FBXO34: variants seen among roughly 807,000 people sequenced by gnomAD.
The protein encoded by FBXO34 is F-box only protein 34.
FBXO34 carries 12 observed loss-of-function variants against 24.5 expected under a neutral mutation model. The observed-to-expected ratio is 0.49, with a 90% CI of 0.31 to 0.79. FBXO34 has a LOEUF of 0.79. Among genes scored for constraint, FBXO34 ranks in the 30% least tolerant of loss-of-function variants. FBXO34 has a pLI of 0.04. For missense variants in FBXO34, 823 were observed against 857.7 expected (o/e 0.96, Z 0.51); for synonymous variants, 320 against 311.9 (o/e 1.03, Z -0.27).
chr14:55,393,390 A>C, the FBXO34 span, among the ~76,000 whole-genome samples: 3 of 152,250 alleles, frequency 2.0e-5, no homozygotes, highest in African/African-American at 4.8e-5. Flanking sequence ...GTCTCAAAAA[A>C]AAGAGGAAAA....
intron 1 of FBXO34, among the ~76,000 whole-genome samples, chr14:55,286,439 T>G (rs1023985435): frequency 3.9e-5 from 6 of 152,222 alleles, no homozygotes; most frequent in Non-Finnish European, 7.3e-5. Flanking sequence ...TTTAATTTTA[T>G]TTCCTTGTGC....
intron 1 of FBXO34, among the ~76,000 whole-genome samples, chr14:55,350,142 A>G (rs1313229352): frequency 6.7e-6 from 1 of 149,704 alleles, no homozygotes; most frequent in African/African-American, 2.5e-5. Context: ...TCTTCAGTCA[A>G]AACCAATTTA....
chr14:55,385,773 A>C, the FBXO34 span: 2 of 1,149,058 alleles, frequency 1.7e-6, no homozygotes, highest in Non-Finnish European at 2.5e-6. Context: ...CCCTAGAATA[A>C]GACCCAATAA....
At chr14:55,364,710 T>C (rs2140107087), downstream of FBXO34, among the ~76,000 whole-genome samples, 1 of 149,152 alleles carries the variant, frequency 6.7e-6, no homozygotes, top group African/African-American at 2.5e-5. Flanking sequence ...ACTACAGGTG[T>C]GAACCACAGT....
intron 1 of FBXO34, among the ~76,000 whole-genome samples, chr14:55,305,327 AT>A (rs1882502399): frequency 2.0e-5 from 3 of 151,404 alleles, no homozygotes; most frequent in Non-Finnish European, 4.4e-5. Flanking sequence ...CAGGGGAATA[AT>A]CACTTGAACC....
At chr14:55,440,435 C>A in the FBXO34 span, 1 of 1,613,062 alleles carries the variant, frequency 6.2e-7, no homozygotes, top group East Asian at 2.2e-5. Flanking sequence ...CCAGGTAGGT[C>A]TCCTCCTGCT....
chr14:55,352,674 CTAAATT>C lies in FBXO34; in HGVS notation c.*151_*156del, dbSNP rs1265993157. ...GCATTGCTCAGGCATTTTCTAAACT[CTAAATT>C]TACGAGCTGTACAAAAAAATTGGTC... On this transcript the variant is annotated 3_prime_UTR_variant, in exon 2 of 2. Transcript: ENST00000313833. 4.3e-6 allele frequency: 3 copies of C among 692,808 alleles called. No individual in the cohort carries two copies. Among genetic ancestry groups the C allele is most frequent in the Non-Finnish European group, 6.8e-6 (3 of 439,948 alleles). The allele number at this position is 692,808 out of a possible 1,614,324, so 42.9% of individuals were successfully genotyped here. A position where few individuals can be genotyped will look rare whatever the true frequency, so the allele number is the denominator to read the frequency against.
intron 1 of FBXO34, among the ~76,000 whole-genome samples, chr14:55,315,475 G>GT (rs1161342075): frequency 4.6e-5 from 7 of 152,106 alleles, no homozygotes; most frequent in Non-Finnish European, 8.8e-5. Flanking sequence ...TAGATTTCAT[G>GT]TCTTCTTTCT....
chr14:55,414,384 C>CT, the FBXO34 span: 2 of 1,601,538 alleles, frequency 1.2e-6, no homozygotes, highest in Non-Finnish European at 1.7e-6. Context: ...TATGCTCAGG[C>CT]TTTTTTAAAA....
chr14:55,276,068 A>G (rs1178921419), intron 1 of FBXO34, among the ~76,000 whole-genome samples: 2 of 152,204 alleles, frequency 1.3e-5, no homozygotes, highest in Non-Finnish European at 1.5e-5. Flanking sequence ...GAACTAGTCT[A>G]TCTAGGCAAT....
At chr14:55,281,255 T>TAAAAAA (rs533626777) in intron 1 of FBXO34, among the ~76,000 whole-genome samples, 2 of 98,430 alleles carry the variant, frequency 2.0e-5, no homozygotes, top group Non-Finnish European at 2.0e-5. Context: ...CCCGACTCCT[T>TAAAAAA]AAAAAAAAAA....
chr14:55,318,311 A>G, intron 1 of FBXO34: 1 of 121,330 alleles, frequency 8.2e-6, no homozygotes, highest in African/African-American at 3.1e-5. Context: ...AGGCATAGCC[A>G]ATCCCCTGTT....
the FBXO34 span, among the ~76,000 whole-genome samples, chr14:55,441,093 G>A: frequency 6.6e-6 from 1 of 152,122 alleles, no homozygotes; most frequent in Non-Finnish European, 1.5e-5. Flanking sequence ...TGATCCACCC[G>A]CCTCGGCCTC....
chr14:55,311,238 C>T (rs1272168474), intron 1 of FBXO34, among the ~76,000 whole-genome samples: 2 of 152,152 alleles, frequency 1.3e-5, no homozygotes, highest in Non-Finnish European at 2.9e-5. Context: ...AACACAAAAC[C>T]ATCAGATCTC....
chr14:55,295,137 A>G (rs902004097), intron 1 of FBXO34, among the ~76,000 whole-genome samples: 1 of 152,182 alleles, frequency 6.6e-6, no homozygotes, highest in Non-Finnish European at 1.5e-5. Flanking sequence ...GTAAAGTCAA[A>G]AAGTCATAAG....
downstream of FBXO34, among the ~76,000 whole-genome samples, chr14:55,357,908 G>A (rs950412999): frequency 2.6e-5 from 4 of 152,200 alleles, no homozygotes; most frequent in African/African-American, 9.6e-5. Context: ...TGGAAAGCAA[G>A]GTTGTATTTA....
chr14:55,321,297 A>C (rs1883126476), intron 1 of FBXO34, among the ~76,000 whole-genome samples: 1 of 152,130 alleles, frequency 6.6e-6, no homozygotes, highest in East Asian at 1.9e-4. Context: ...CGTGCTTTAC[A>C]CATCCCACAC....
At chr14:55,380,153 A>AG in the FBXO34 span, among the ~76,000 whole-genome samples, 16 of 152,118 alleles carry the variant, frequency 1.1e-4, no homozygotes, top group East Asian at 3.1e-3. Context: ...GAGGCTGAGG[A>AG]GGGAGGATTG....
At chr14:55,288,560 A>G (rs1397319153) in intron 1 of FBXO34, among the ~76,000 whole-genome samples, 3 of 152,184 alleles carry the variant, frequency 2.0e-5, no homozygotes, top group African/African-American at 7.2e-5. Flanking sequence ...TTTCTCAGAA[A>G]TCCTCATTTT....
Sources: allele counts gnomAD v4.1 joint callset (sites outside exome capture counted in the v4.1 genomes callset), GRCh38; gene constraint gnomAD v4.1.1; transcripts MANE v1.5; gene names NCBI Gene and HGNC (gene_info 2026-07-23, HGNC 2026-07-21).